SLC44A5: variants seen among roughly 807,000 people sequenced by gnomAD.
SLC44A5 encodes choline transporter-like protein 5.
In SLC44A5, 57 loss-of-function variants were observed where a neutral mutation model predicts 101.8. That is an observed-to-expected ratio of 0.56 (90% CI 0.45 to 0.70). The LOEUF is 0.70. Ranked by LOEUF, SLC44A5 falls within the 30% of genes least tolerant of loss-of-function variation. The probability of loss-of-function intolerance (pLI) is 0.00; values close to 1 mark genes in which losing one functional copy is unlikely to be tolerated. For synonymous variants in SLC44A5, 281 were observed against 290.9 expected (o/e 0.97, Z 0.35); for missense variants, 737 against 853.1 (o/e 0.86, Z 1.70).
intron 2 of SLC44A5, among the ~76,000 whole-genome samples, chr1:75,507,580 G>A (rs144393279): frequency 1.3e-5 from 2 of 152,230 alleles, no homozygotes; most frequent in African/African-American, 2.4e-5. Context: ...CAGTTAGGGA[G>A]AAGTCCCTCC....
chr1:75,280,641 G>A (rs1277098887), intron 5 of SLC44A5, among the ~76,000 whole-genome samples: 2 of 150,418 alleles, frequency 1.3e-5, no homozygotes, highest in Non-Finnish European at 2.9e-5. Flanking sequence ...CTCACGTGTT[G>A]GAAGAGGGAT....
chr1:75,494,651 T>G (rs552451417), intron 2 of SLC44A5, among the ~76,000 whole-genome samples: 1 of 152,286 alleles, frequency 6.6e-6, no homozygotes, highest in Admixed American at 6.5e-5. Flanking sequence ...AGCTGGTCTC[T>G]AGCCACCTTT....
intron 2 of SLC44A5, among the ~76,000 whole-genome samples, chr1:75,485,142 C>A (rs183675830): frequency 6.6e-6 from 1 of 152,360 alleles, no homozygotes; most frequent in East Asian, 1.9e-4. Context: ...GCTTAAATTT[C>A]TTCCCATAAA....
At chr1:75,705,093 A>G in the SLC44A5 span, among the ~76,000 whole-genome samples, 6,713 of 152,278 alleles carry the variant, frequency 0.044, 203 homozygotes, top group African/African-American at 0.092. Context: ...TGTGCCCACA[A>G]AAGTAAGTAA....
chr1:75,474,075 T>C (rs1667256253), intron 2 of SLC44A5, among the ~76,000 whole-genome samples: 1 of 152,206 alleles, frequency 6.6e-6, no homozygotes, highest in South Asian at 2.1e-4. Flanking sequence ...ATTTGCTGCT[T>C]CATTGAATAT....
intron 2 of SLC44A5, chr1:75,521,595 T>C (rs967365647): frequency 1.3e-5 from 2 of 152,490 alleles, no homozygotes; most frequent in East Asian, 3.9e-4. Flanking sequence ...TGTCATCTGG[T>C]CCCAGGCTGA....
At chr1:75,224,662 C>G (rs960426220) in intron 13 of SLC44A5, among the ~76,000 whole-genome samples, 1 of 151,736 alleles carries the variant, frequency 6.6e-6, no homozygotes, top group Non-Finnish European at 1.5e-5. Flanking sequence ...TCTTGAACTC[C>G]TGGGCTCAAA....
intron 4 of SLC44A5, among the ~76,000 whole-genome samples, chr1:75,328,740 T>C (rs1656799296): frequency 6.6e-6 from 1 of 152,206 alleles, no homozygotes; most frequent in South Asian, 2.1e-4. Flanking sequence ...TTCAAACCTC[T>C]CTACAATCCC....
At chr1:75,222,559 C>T (rs1647110509) in intron 13 of SLC44A5, 99 bp from the exon 14 acceptor site, 3 of 673,304 alleles carry the variant, frequency 4.5e-6, no homozygotes, top group Non-Finnish European at 7.8e-6. Flanking sequence ...TTATTTCTGC[C>T]AATTCTGACA....
Position 75,480,726 on chromosome 1 carries a change from A to G in SLC44A5, c.13+60709T>C, listed in dbSNP as rs190119796. Among the ~76,000 whole-genome samples, 632 of 152,242 alleles carry G rather than the reference A, an allele frequency of 4.2e-3. 7 individuals are homozygous for G. The highest frequency in any genetic ancestry group is 0.015 in the African/African-American group (604 of 41,520). ...GTGAAGGACCTCTTCAAGGAGAACT[A>G]CAAACCACTGCTCAATGAAATAAAA... On this transcript the variant is annotated intron_variant, in intron 2 of 23. Transcript: ENST00000370859.
chr1:75,276,630 A>G (rs1220181426), intron 5 of SLC44A5, among the ~76,000 whole-genome samples: 1 of 152,166 alleles, frequency 6.6e-6, no homozygotes, highest in South Asian at 2.1e-4. Flanking sequence ...AGATAATGAA[A>G]ATAGAGTGAC....
chr1:75,648,586 T>C, the SLC44A5 span, among the ~76,000 whole-genome samples: 3 of 152,116 alleles, frequency 2.0e-5, no homozygotes, highest in African/African-American at 7.2e-5. Context: ...GTGACCTTCC[T>C]AGATTGTATG....
chr1:75,233,305 T>A (rs776932911), intron 12 of SLC44A5, among the ~76,000 whole-genome samples: 1 of 152,152 alleles, frequency 6.6e-6, no homozygotes, highest in African/African-American at 2.4e-5. Flanking sequence ...CTGAATGACA[T>A]GCATTGTATC....
At chr1:75,267,121 G>C (rs1328439062) in intron 6 of SLC44A5, among the ~76,000 whole-genome samples, 8 of 152,144 alleles carry the variant, frequency 5.3e-5, no homozygotes, top group Non-Finnish European at 1.2e-4. Flanking sequence ...ATAGTGACTG[G>C]CCCATTGGAG....
intron 1 of SLC44A5, among the ~76,000 whole-genome samples, chr1:75,571,820 T>C (rs1423155084): frequency 6.6e-6 from 1 of 151,862 alleles, no homozygotes; most frequent in Non-Finnish European, 1.5e-5. Flanking sequence ...TAAGAGAAAA[T>C]AGTAAATAAG....
At chr1:75,326,557 G>T (rs184695845) in intron 4 of SLC44A5, among the ~76,000 whole-genome samples, 57 of 152,222 alleles carry the variant, frequency 3.7e-4, no homozygotes, top group Non-Finnish European at 6.8e-4. Context: ...CCTGGAGTTA[G>T]AATCAATAAA....
intron 2 of SLC44A5, among the ~76,000 whole-genome samples, chr1:75,420,560 A>G (rs1213800008): frequency 6.6e-6 from 1 of 152,150 alleles, no homozygotes; most frequent in Non-Finnish European, 1.5e-5. Flanking sequence ...AGAAACAACT[A>G]TCTGCTGTTC....
intron 2 of SLC44A5, among the ~76,000 whole-genome samples, chr1:75,440,367 A>G (rs1268514530): frequency 6.6e-6 from 1 of 152,124 alleles, no homozygotes; most frequent in Non-Finnish European, 1.5e-5. Flanking sequence ...TAAGGAAAAG[A>G]TGGCAAATTC....
chr1:75,625,923 G>A, the SLC44A5 span, among the ~76,000 whole-genome samples: 1 of 152,010 alleles, frequency 6.6e-6, no homozygotes, highest in Non-Finnish European at 1.5e-5. Context: ...TAGATATGGT[G>A]GCAAGAAGTT....
Sources: gnomAD v4.1 joint callset for allele counts (sites outside exome capture counted in the v4.1 genomes callset) on GRCh38, gnomAD v4.1.1 for gene constraint, MANE v1.5 for transcripts, NCBI Gene and HGNC (gene_info 2026-07-23, HGNC 2026-07-21) for gene names.